Variants in KLF16 observed in about 807,000 individuals in gnomAD.
KLF16 encodes the protein Krueppel-like factor 16.
Under a neutral mutation model 6.1 loss-of-function variants are expected in KLF16, and 6 were observed. The observed-to-expected ratio is 0.98, with a 90% confidence interval of 0.54 to 1.93. KLF16 has a LOEUF of 1.93. KLF16 is among the 30% of genes most tolerant of loss of function. KLF16 has a pLI of 0.01. For missense variants in KLF16, 355 were observed against 363.8 expected (o/e 0.98, Z 0.20); for synonymous variants, 211 against 176.5 (o/e 1.20, Z -1.55).
In KLF16 at chr19:1,854,651, G is replaced by A. The variant is rs1230861623; in HGVS notation, c.567C>T (p.Cys189=). Residue 189 remains cysteine, a synonymous_variant, in exon 2 of 2, where the codon TGC becomes TGT. Coordinates refer to ENST00000250916, the MANE Select transcript of KLF16 (RefSeq NM_031918.4). The part of the protein sequence containing the change: ...RTHTGEKRFS[C]PLCSKRFTRS... Reference sequence around the variant, plus strand: ...GGGTGAAGCGCTTGGAGCACAGAGGGCAGGAGAAGCGCTTCTCGCCCGTGT... The same window carrying A: ...GGGTGAAGCGCTTGGAGCACAGAGGACAGGAGAAGCGCTTCTCGCCCGTGT... 1 of 1,599,892 alleles carries A rather than the reference G, an allele frequency of 6.3e-7. No homozygotes were observed. The highest frequency in any genetic ancestry group is 1.7e-5 in the Admixed American group (1 of 59,932).
chr19:1,873,995 T>C, the KLF16 span, among the ~76,000 whole-genome samples: 1 of 152,232 alleles, frequency 6.6e-6, no homozygotes, highest in Non-Finnish European at 1.5e-5. Context: ...GCACCGTGAA[T>C]ATCCACAGCC....
At chr19:1,871,942 G>A in the KLF16 span, among the ~76,000 whole-genome samples, 18 of 152,088 alleles carry the variant, frequency 1.2e-4, no homozygotes, top group Admixed American at 9.2e-4. Context: ...TTTCCCGTGC[G>A]AATCCCCCAA....
intron 1 of KLF16, among the ~76,000 whole-genome samples, chr19:1,856,963 G>GGGGGGGGGGGGGGGGGGGGGC (rs1466347651): frequency 8.5e-6 from 1 of 117,400 alleles, no homozygotes; most frequent in African/African-American, 4.4e-5. Context: ...GGTGGGGGGG[G>GGGGGGGGGGGGGGGGGGGGGC]CGACCGGGGC....
upstream of KLF16, among the ~76,000 whole-genome samples, chr19:1,866,890 T>G (rs949568164): frequency 6.6e-6 from 1 of 151,852 alleles, no homozygotes; most frequent in Non-Finnish European, 1.5e-5. Context: ...CAGCAGACAC[T>G]TTGGGGCATC....
the KLF16 span, among the ~76,000 whole-genome samples, chr19:1,870,197 TGG>T: frequency 6.6e-6 from 1 of 152,010 alleles, no homozygotes; most frequent in African/African-American, 2.4e-5. Flanking sequence ...CCCAAAGTGC[TGG>T]GATTACAGGC....
the KLF16 span, chr19:1,874,746 CAAAAAAAAAAAAAAA>C: frequency 1.7e-3 from 73 of 42,006 alleles, no homozygotes; most frequent in Non-Finnish European, 2.6e-3. Flanking sequence ...GTCAGAGTCC[CAAAAAAAAAAAAAAA>C]AAAAAAAAAA....
the KLF16 span, among the ~76,000 whole-genome samples, chr19:1,870,435 G>T: frequency 6.6e-6 from 1 of 151,986 alleles, no homozygotes; most frequent in Non-Finnish European, 1.5e-5. Context: ...ACTTTGGAAG[G>T]CCAAGGCGGG....
chr19:1,854,804 G>C (rs747093623), intron 1 of KLF16, 44 bp from the exon 2 acceptor site: 6 of 1,587,910 alleles, frequency 3.8e-6, no homozygotes, highest in Non-Finnish European at 5.1e-6. Context: ...GCGGGGGCGG[G>C]GGGAGATGAC....
At chr19:1,856,390 AC>A (rs1375677673) in intron 1 of KLF16, among the ~76,000 whole-genome samples, 1 of 152,042 alleles carries the variant, frequency 6.6e-6, no homozygotes, top group Non-Finnish European at 1.5e-5. Flanking sequence ...TCCCTGCCAC[AC>A]CCCGACACCC....
In KLF16 at chr19:1,863,308, C is replaced by T. The variant is rs1283154823; in HGVS notation, c.190G>A (p.Ala64Thr). The T allele has an allele frequency of 2.7e-5, 26 of 980,056 alleles. No homozygotes were observed. Among genetic ancestry groups the T allele is most frequent in the African/African-American group, 3.6e-5 (2 of 55,924 alleles). The allele number at this position is 980,056 out of a possible 1,614,324, so 60.7% of individuals were successfully genotyped here. A position where few individuals can be genotyped will look rare whatever the true frequency, so the allele number is the denominator to read the frequency against. ...GTPGPPPPPP[A>T]ASGPGPGAAA... ...GCGCCGGGGCCCGGGCCAGAAGCGGCGGGGGGCGGCGGGGGTGGCCCCGGG... is the reference window on the plus strand; with the variant it reads ...GCGCCGGGGCCCGGGCCAGAAGCGGTGGGGGGCGGCGGGGGTGGCCCCGGG... Residue 64 changes from alanine (A) to threonine (T), a missense_variant, in exon 1 of 2, where the codon GCC (alanine) becomes ACC (threonine). Coordinates refer to ENST00000250916, the MANE Select transcript of KLF16 (RefSeq NM_031918.4).
upstream of KLF16, among the ~76,000 whole-genome samples, chr19:1,863,801 G>A (rs1438723931): frequency 7.1e-6 from 1 of 140,520 alleles, no homozygotes; most frequent in Non-Finnish European, 1.6e-5. Context: ...CGCCGGGGGC[G>A]GGGCTCGGGC....
rs2012112592 is a variant in KLF16, at chr19:1,863,334, G to A, written c.164C>T (p.Thr55Ile). 1 of 981,040 alleles carries A rather than the reference G, an allele frequency of 1.0e-6. No individual in the cohort carries two copies. Among genetic ancestry groups the A allele is most frequent in the Non-Finnish European group, 1.2e-6 (1 of 828,808 alleles). 60.8% of individuals were successfully genotyped at this position (981,040 alleles called of 1,614,324 possible). Residue 55 changes from threonine (T) to isoleucine (I), a missense_variant, in exon 1 of 2, where the codon ACC becomes ATC. Transcript: ENST00000250916. Reference sequence around the variant, plus strand: ...GGGGGGCGGCGGGGGTGGCCCCGGGGTCCCGGGTGAGGCGGCCTCGCGGCG... The same window carrying A: ...GGGGGGCGGCGGGGGTGGCCCCGGGATCCCGGGTGAGGCGGCCTCGCGGCG... The part of the protein sequence containing the change: ...AARREAASPG[T>I]PGPPPPPPAA...
chr19:1,863,911 G>A (rs1230408600), upstream of KLF16, among the ~76,000 whole-genome samples: 2 of 147,210 alleles, frequency 1.4e-5, no homozygotes, highest in Non-Finnish European at 3.0e-5. Flanking sequence ...GCAAGGCCGG[G>A]AGCCCCGCCC....
upstream of KLF16, among the ~76,000 whole-genome samples, chr19:1,863,966 C>A (rs2012134778): frequency 6.9e-6 from 1 of 145,542 alleles, no homozygotes; most frequent in Admixed American, 6.7e-5. Context: ...GTACCCTTTC[C>A]CGGAGCACCA....
At chr19:1,862,794 C>G (rs1032899837) in intron 1 of KLF16, 3 of 367,266 alleles carry the variant, frequency 8.2e-6, no homozygotes, top group African/African-American at 6.4e-5. Flanking sequence ...GCCCGCAGAC[C>G]TCGCTGGGCC....
intron 1 of KLF16, 131 bp downstream of exon 1, chr19:1,862,910 C>T: frequency 3.3e-6 from 1 of 304,284 alleles, no homozygotes; most frequent in Non-Finnish European, 4.8e-6. Context: ...CCCGCCCTGC[C>T]GGCCGGCGCG....
upstream of KLF16, among the ~76,000 whole-genome samples, chr19:1,865,585 C>T (rs950875203): frequency 1.2e-4 from 19 of 152,232 alleles, no homozygotes; most frequent in Admixed American, 9.8e-4. Context: ...GGGTGGGCCA[C>T]ATGGCCCCAG....
upstream of KLF16, among the ~76,000 whole-genome samples, chr19:1,864,639 C>T (rs139920398): frequency 6.6e-5 from 10 of 152,272 alleles, no homozygotes; most frequent in Non-Finnish European, 1.5e-4. Context: ...GCTGGGACAC[C>T]GGGGTCCGGG....
At chr19:1,871,481 C>T in the KLF16 span, among the ~76,000 whole-genome samples, 1,338 of 152,304 alleles carry the variant, frequency 8.8e-3, 24 homozygotes, top group African/African-American at 0.031. Context: ...GTCCCCACCC[C>T]CCCGGGGCTG....
Sources: gnomAD v4.1 joint callset for allele counts (sites outside exome capture counted in the v4.1 genomes callset) on GRCh38, gnomAD v4.1.1 for gene constraint, MANE v1.5 for transcripts, NCBI Gene and HGNC (gene_info 2026-07-23, HGNC 2026-07-21) for gene names.